ZNF525: variants seen among roughly 807,000 people sequenced by gnomAD.
ZNF525 encodes the protein zinc finger protein 525.
ZNF525 carries 33 observed loss-of-function variants against 37.6 expected under a neutral mutation model. That is an observed-to-expected ratio of 0.88 (90% CI 0.67 to 1.17). The LOEUF is 1.17. ZNF525 is among the 50% of genes most tolerant of loss of function. ZNF525 has a pLI of 0.00. For missense variants in ZNF525, 449 were observed against 543.1 expected (o/e 0.83, Z 1.72); for synonymous variants, 170 against 182.3 (o/e 0.93, Z 0.54).
At chr19:53,366,707 CAG>C (rs899515119) in intron 1 of ZNF525, among the ~76,000 whole-genome samples, 1 of 151,122 alleles carries the variant, frequency 6.6e-6, no homozygotes. Flanking sequence ...CCAGGGCAGA[CAG>C]AGCAGAGTGG....
chr19:53,384,332 GTTTC>G lies in ZNF525; in HGVS notation c.*2317_*2320del, dbSNP rs1384565557. ...AGCCACTTTTCCCAGCCTGTTTTTT[GTTTC>G]TTTAACAAAAACTGATAGGGATTTT... On this transcript the variant is annotated 3_prime_UTR_variant, in exon 4 of 4. Transcript: ENST00000474037. 1 of 171,662 alleles carries G rather than the reference GTTTC, an allele frequency of 5.8e-6. No homozygotes were observed. The highest frequency in any genetic ancestry group is 1.3e-5 in the Non-Finnish European group (1 of 79,588). 10.6% of individuals were successfully genotyped at this position (171,662 alleles called of 1,614,324 possible). A position where few individuals can be genotyped will look rare whatever the true frequency, so the allele number is the denominator to read the frequency against.
chr19:53,377,419 G>A (rs996688817), intron 3 of ZNF525, among the ~76,000 whole-genome samples: 1 of 152,110 alleles, frequency 6.6e-6, no homozygotes, highest in African/African-American at 2.4e-5. Context: ...CAGGTGATCT[G>A]CCAACCTCGG....
In ZNF525 at chr19:53,381,024, T is replaced by G; in HGVS notation, c.445T>G (p.Ser149Ala). The change falls in exon 4 of 4, where the codon TCT (serine) becomes GCT (alanine). Residue 149 changes from serine to alanine, a missense_variant. Ser to Ala is a moderately conservative substitution (Grantham distance 99). Coordinates refer to ENST00000474037, the MANE Select transcript of ZNF525 (RefSeq NM_001348156.2). Reference protein sequence around the residue: ...QLGSSFHSHLSELHIFQPKGK... With the variant: ...QLGSSFHSHLAELHIFQPKGK... ...TGGATCAAGCTTTCATTCACATCTG[T>G]CTGAACTCCACATATTTCAGCCCAA... 6.3e-7 allele frequency: 1 copy of G among 1,576,238 alleles called. No individual in the cohort carries two copies. The highest frequency in any genetic ancestry group is 8.7e-7 in the Non-Finnish European group (1 of 1,145,510).
intron 3 of ZNF525, among the ~76,000 whole-genome samples, chr19:53,380,236 G>A (rs566259744): frequency 2.2e-4 from 34 of 151,712 alleles, no homozygotes; most frequent in South Asian, 1.2e-3. Context: ...GAGTACAGAC[G>A]TGCACCACCA....
At chr19:53,376,041 G>T (rs1368896147) in intron 3 of ZNF525, 145 bp downstream of exon 3, 9 of 1,530,454 alleles carry the variant, frequency 5.9e-6, no homozygotes, top group Non-Finnish European at 7.9e-6. Flanking sequence ...TTGAATTCCT[G>T]GGCTCAAGTG....
rs562284357 is a variant in ZNF525 at position 53,375,717 on chromosome 19, A to G, written c.16-53A>G. The G allele has an allele frequency of 4.7e-5, 76 of 1,613,296 alleles. No homozygotes were observed. In the South Asian group the frequency reaches 7.3e-4, roughly 15 times the overall value. The stretch of plus-strand genomic sequence containing the variant: ...CCTCTCTCCTCTTCTCATTTTCTGT[A>G]AAGATAAGAACTCCTCCCATAACCA... On this transcript the variant is annotated intron_variant, in intron 2 of 3. Transcript: ENST00000474037.
At position 53,383,608 on chromosome 19, in the gene ZNF525, A is replaced by G; in HGVS notation, c.*1589A>G. 1 of 1,415,752 alleles carries G rather than the reference A, an allele frequency of 7.1e-7. No individual in the cohort carries two copies. The highest frequency in any genetic ancestry group is 9.5e-7 in the Non-Finnish European group (1 of 1,051,608). 87.7% of individuals were successfully genotyped at this position (1,415,752 alleles called of 1,614,324 possible). Reference sequence around the variant, plus strand: ...TCAAAGCCTTTAGTGGGCAGTCAACACTTATTCACCATCAGGCAATCCGTA... The same window carrying G: ...TCAAAGCCTTTAGTGGGCAGTCAACGCTTATTCACCATCAGGCAATCCGTA... On this transcript the variant is annotated 3_prime_UTR_variant, in exon 4 of 4. Coordinates refer to ENST00000474037, the MANE Select transcript of ZNF525 (RefSeq NM_001348156.2).
chr19:53,379,762 G>A (rs1335206001), intron 3 of ZNF525, among the ~76,000 whole-genome samples: 5 of 152,194 alleles, frequency 3.3e-5, no homozygotes, highest in African/African-American at 1.2e-4. Flanking sequence ...AGGACTTTGG[G>A]AGGCTGAGGC....
chr19:53,366,555 AAAGAT>A (rs1017959609), intron 1 of ZNF525, among the ~76,000 whole-genome samples: 8 of 151,758 alleles, frequency 5.3e-5, no homozygotes, highest in South Asian at 2.1e-4. Context: ...AAAAAAAAAA[AAAGAT>A]AAGCAGGAGG....
In ZNF525 at chr19:53,384,773, T is replaced by A; in HGVS notation, c.*2754T>A. The A allele has an allele frequency of 4.0e-6, 2 of 500,134 alleles. No individual in the cohort carries two copies. Among genetic ancestry groups the A allele is most frequent in the Non-Finnish European group, 7.1e-6 (2 of 282,586 alleles). The allele number at this position is 500,134 out of a possible 1,614,324, so 31.0% of individuals were successfully genotyped here. ...CTTCTTTCTTTCTGATTTGGATGAGTTTGATTTCTTTTGCTATTTAATTGC... is the reference window on the plus strand; with the variant it reads ...CTTCTTTCTTTCTGATTTGGATGAGATTGATTTCTTTTGCTATTTAATTGC... On this transcript the variant is annotated 3_prime_UTR_variant, in exon 4 of 4. Transcript: ENST00000474037.
intron 2 of ZNF525, among the ~76,000 whole-genome samples, chr19:53,372,982 A>T (rs568287252): frequency 6.6e-6 from 1 of 152,318 alleles, no homozygotes; most frequent in African/African-American, 2.4e-5. Flanking sequence ...TTCAGTAAAA[A>T]TGGTTATAAC....
intron 1 of ZNF525, among the ~76,000 whole-genome samples, 164 bp from the exon 2 acceptor site, chr19:53,372,051 G>T (rs866352495): frequency 6.6e-6 from 1 of 152,154 alleles, no homozygotes; most frequent in Admixed American, 6.5e-5. Context: ...CAGGAGGGGA[G>T]TGGGAGTTTT....
At chr19:53,370,281 G>A (rs116181408) in intron 1 of ZNF525, among the ~76,000 whole-genome samples, 1,695 of 151,264 alleles carry the variant, frequency 0.011, 34 homozygotes, top group African/African-American at 0.038. Flanking sequence ...TTAGCCAGAT[G>A]TTGGGTGGAT....
At position 53,380,097 on chromosome 19, in the gene ZNF525, T is replaced by A. The variant is rs759287369; in HGVS notation, c.143-625T>A. On this transcript the variant is annotated intron_variant, in intron 3 of 3. Transcript: ENST00000474037. Reference sequence around the variant, plus strand: ...TTATGACAGTTATTCAGAAAAATATTTTTTTTTTTTTGAGATGGAGTCTCA... The same window carrying A: ...TTATGACAGTTATTCAGAAAAATATATTTTTTTTTTTGAGATGGAGTCTCA... Among the ~76,000 whole-genome samples the A allele has an allele frequency of 1.7e-4, 26 of 149,262 alleles. 1 individual carries two copies. Among genetic ancestry groups the A allele is most frequent in the Admixed American group, 9.4e-4 (14 of 14,962 alleles).
rs754432207 is a variant in ZNF525, at chr19:53,381,866, TAGG to T, written c.1290_1292del (p.Arg431del). Reference sequence around the variant, plus strand: ...GTTTCAAATCAAGTCTTGAAAGACATAGGAGAATTCATAATGGAGAGAAACTGT... The same window carrying T: ...GTTTCAAATCAAGTCTTGAAAGACATAGAATTCATAATGGAGAGAAACTGT... On this transcript the variant is annotated inframe_deletion, in exon 4 of 4. Transcript: ENST00000474037. 2.2e-5 allele frequency: 22 copies of T among 1,021,352 alleles called. No homozygotes were observed. Among genetic ancestry groups the T allele is most frequent in the South Asian group, 7.6e-5 (6 of 79,106 alleles). The allele number at this position is 1,021,352 out of a possible 1,614,324, so 63.3% of individuals were successfully genotyped here.
chr19:53,375,569 A>G (rs1199626455), intron 2 of ZNF525, among the ~76,000 whole-genome samples: 1 of 152,180 alleles, frequency 6.6e-6, no homozygotes, highest in African/African-American at 2.4e-5. Context: ...TGAGTGACAG[A>G]GTGAGACTCT....
chr19:53,375,982 C>G (rs960174500), intron 3 of ZNF525, 86 bp downstream of exon 3: 40 of 1,602,350 alleles, frequency 2.5e-5, no homozygotes, highest in South Asian at 7.8e-5. Flanking sequence ...ATCTCTCTCT[C>G]TGTCCCCAAG....
intron 2 of ZNF525, among the ~76,000 whole-genome samples, chr19:53,373,651 C>T (rs2085502715): frequency 6.9e-6 from 1 of 144,368 alleles, no homozygotes. Flanking sequence ...CAGTAAATTA[C>T]AAAATTTTTT....
intron 3 of ZNF525, among the ~76,000 whole-genome samples, chr19:53,378,273 A>G (rs2085535504): frequency 6.6e-6 from 1 of 152,206 alleles, no homozygotes; most frequent in East Asian, 1.9e-4. Flanking sequence ...CCTGACCAAC[A>G]TGGTGAAACC....
Sources: allele counts gnomAD v4.1 joint callset (sites outside exome capture counted in the v4.1 genomes callset), GRCh38; gene constraint gnomAD v4.1.1; transcripts MANE v1.5; gene names NCBI Gene and HGNC (gene_info 2026-07-23, HGNC 2026-07-21).